SCRN1: variants seen among roughly 807,000 people sequenced by gnomAD.
SCRN1 encodes secernin 1, also known as secernin-1.
In SCRN1, 19 loss-of-function variants were observed where a neutral mutation model predicts 43.3. The observed-to-expected ratio is 0.44, with a 90% CI of 0.31 to 0.64. SCRN1 has a LOEUF of 0.64. Ranked by LOEUF, SCRN1 falls within the 30% of genes least tolerant of loss-of-function variation. The pLI is 0.09. For synonymous variants in SCRN1, 183 were observed against 188.9 expected (o/e 0.97, Z 0.26); for missense variants, 447 against 524.1 (o/e 0.85, Z 1.44).
At chr7:29,975,473 G>C (rs1291981627) in intron 1 of SCRN1, among the ~76,000 whole-genome samples, 1 of 152,142 alleles carries the variant, frequency 6.6e-6, no homozygotes, top group African/African-American at 2.4e-5. Flanking sequence ...GTATGTTGTG[G>C]CCTTTTTGTG....
intron 1 of SCRN1, among the ~76,000 whole-genome samples, chr7:29,972,079 G>C (rs1788684085): frequency 6.6e-6 from 1 of 152,228 alleles, no homozygotes; most frequent in Non-Finnish European, 1.5e-5. Flanking sequence ...TGGAGGAGTA[G>C]AGAGAGATAA....
At position 29,936,539 on chromosome 7, in the gene SCRN1, C is replaced by G. The variant is rs1270499375; in HGVS notation, c.905+17G>C. 6.5e-7 allele frequency: 1 copy of G among 1,544,376 alleles called. No individual in the cohort carries two copies. Among genetic ancestry groups the G allele is most frequent in the East Asian group, 2.3e-5 (1 of 43,390 alleles). ...AAGCACTTATGTTCTGCCTACGTGA[C>G]CAGGCCTCGGACAAACCTGGAAGGA... On this transcript the variant is annotated intron_variant, in intron 6 of 7. Coordinates refer to ENST00000242059, the MANE Select transcript of SCRN1 (RefSeq NM_014766.5).
At chr7:29,926,373 T>A in intron 7 of SCRN1, 79 bp downstream of exon 7, 1 of 1,489,460 alleles carries the variant, frequency 6.7e-7, no homozygotes, top group Non-Finnish European at 9.2e-7. Context: ...TAGCTTGACA[T>A]CTGCTTCCCT....
chr7:29,984,396 C>T (rs1789087625), intron 1 of SCRN1, among the ~76,000 whole-genome samples: 2 of 150,516 alleles, frequency 1.3e-5, no homozygotes, highest in African/African-American at 4.9e-5. Context: ...AATATAGACT[C>T]GATTATAAAA....
chr7:29,945,992 A>G (rs1787724626), intron 3 of SCRN1, among the ~76,000 whole-genome samples: 1 of 152,228 alleles, frequency 6.6e-6, no homozygotes, highest in Non-Finnish European at 1.5e-5. Flanking sequence ...TCCTAAAGGG[A>G]TATTTCACTG....
chr7:29,985,508 A>T (rs1430107689), intron 1 of SCRN1, among the ~76,000 whole-genome samples: 2 of 152,184 alleles, frequency 1.3e-5, no homozygotes, highest in South Asian at 4.1e-4. Flanking sequence ...GCTAGGTCCC[A>T]GGTCCCCTAA....
rs764577611 is a variant in SCRN1 at position 29,936,754 on chromosome 7, G to A, written c.740-33C>T. On this transcript the variant is annotated intron_variant, in intron 5 of 7. Transcript: ENST00000242059. ...AACACAAAAGACAGACAAATGGAAA[G>A]AGTAGATATAGGCCGGGCGCGGTGG... 3 of 1,496,022 alleles carry A rather than the reference G, an allele frequency of 2.0e-6. No homozygotes were observed. The South Asian group carries it at 4.3e-5, about 21-fold the overall frequency. 92.7% of individuals were successfully genotyped at this position (1,496,022 alleles called of 1,614,324 possible). A position where few individuals can be genotyped will look rare whatever the true frequency, so the allele number is the denominator to read the frequency against.
chr7:29,970,086 T>G (rs1788620821), intron 1 of SCRN1: 2 of 322,326 alleles, frequency 6.2e-6, no homozygotes, highest in African/African-American at 4.3e-5. Context: ...CTCCAAAACC[T>G]CTATCACTCC....
At chr7:29,929,582 G>A (rs1262940513) in intron 6 of SCRN1, among the ~76,000 whole-genome samples, 2 of 152,224 alleles carry the variant, frequency 1.3e-5, no homozygotes, top group African/African-American at 2.4e-5. Context: ...CAGCCTGGCA[G>A]CACCGCTGGG....
chr7:29,951,002 C>T (rs192288433), intron 3 of SCRN1, among the ~76,000 whole-genome samples: 25 of 152,360 alleles, frequency 1.6e-4, no homozygotes, highest in Admixed American at 1.4e-3. Context: ...TGCTGAAGCA[C>T]ACCCCCAGCC....
intron 2 of SCRN1, among the ~76,000 whole-genome samples, chr7:29,964,400 A>T (rs947954829): frequency 6.6e-6 from 1 of 152,156 alleles, no homozygotes; most frequent in Non-Finnish European, 1.5e-5. Context: ...TACTAAGTTT[A>T]AAAAAGCCAA....
intron 2 of SCRN1, among the ~76,000 whole-genome samples, chr7:29,966,204 A>AGAGAGAGG (rs1554360370): frequency 7.1e-4 from 104 of 145,694 alleles, no homozygotes; most frequent in Non-Finnish European, 1.1e-3. Context: ...AGAGAGAGAG[A>AGAGAGAGG]AGCTGTATCC....
chr7:29,980,919 A>G (rs543336846), intron 1 of SCRN1, among the ~76,000 whole-genome samples: 1 of 152,190 alleles, frequency 6.6e-6, no homozygotes, highest in African/African-American at 2.4e-5. Context: ...ACATAGATGG[A>G]TGGATAGATA....
At chr7:29,989,583 G>A in intron 1 of SCRN1, 59 bp downstream of exon 1, 1 of 985,640 alleles carries the variant, frequency 1.0e-6, no homozygotes, top group Non-Finnish European at 1.2e-6. Flanking sequence ...ATGGCGGGTG[G>A]GGTGAAACCG....
intron 3 of SCRN1, among the ~76,000 whole-genome samples, chr7:29,947,044 T>C (rs1338978099): frequency 1.3e-5 from 2 of 152,230 alleles, no homozygotes; most frequent in Non-Finnish European, 2.9e-5. Context: ...CCATGCCTAA[T>C]TTCACTTTGG....
chr7:29,945,857 G>A (rs955722582), intron 3 of SCRN1, among the ~76,000 whole-genome samples: 1 of 152,146 alleles, frequency 6.6e-6, no homozygotes, highest in African/African-American at 2.4e-5. Context: ...TATAATTCAG[G>A]TGGCAGGAAC....
In SCRN1 at chr7:29,930,033, G is replaced by A. The variant is rs1228631576; in HGVS notation, c.906-3401C>T. 3.3e-5 allele frequency among the ~76,000 whole-genome samples: 5 copies of A among 152,094 alleles called. No individual in the cohort carries two copies. In the South Asian group the frequency reaches 8.3e-4, roughly 25 times the overall value. ...TTTAAAAAGAATACATAATAAATAT[G>A]AGGAGGTTCCCAAAATATTCTAAAG... On this transcript the variant is annotated intron_variant, in intron 6 of 7. Coordinates refer to ENST00000242059, the MANE Select transcript of SCRN1 (RefSeq NM_014766.5).
intron 4 of SCRN1, 145 bp downstream of exon 4, chr7:29,943,832 G>A (rs1409042749): frequency 1.4e-6 from 1 of 724,370 alleles, no homozygotes; most frequent in East Asian, 2.5e-5. Context: ...CCAGAAATGA[G>A]AGGCATGCCA....
intron 6 of SCRN1, among the ~76,000 whole-genome samples, chr7:29,931,859 A>T (rs1259547767): frequency 6.6e-6 from 1 of 152,198 alleles, no homozygotes; most frequent in Non-Finnish European, 1.5e-5. Flanking sequence ...TCAAAAACGC[A>T]GGCGCCCCTC....
Sources: allele counts gnomAD v4.1 joint callset (sites outside exome capture counted in the v4.1 genomes callset), GRCh38; gene constraint gnomAD v4.1.1; transcripts MANE v1.5; gene names NCBI Gene and HGNC (gene_info 2026-07-23, HGNC 2026-07-21).